The following ADCK5 variants were observed in gnomAD, a reference collection of about 807,000 sequenced individuals.
ADCK5 encodes aarF domain containing kinase 5, also known as uncharacterized aarF domain-containing protein kinase 5.
Under a neutral mutation model 64.9 loss-of-function variants are expected in ADCK5, and 43 were observed. The ratio of observed to expected loss-of-function variants is 0.66; its 90% confidence interval spans 0.52 to 0.85. The LOEUF (loss-of-function observed/expected upper bound fraction) is 0.85, where lower values mean the gene tolerates loss of function less well. Among genes scored for constraint, ADCK5 ranks in the 40% least tolerant of loss-of-function variants. The probability of loss-of-function intolerance (pLI) is 0.00; values close to 1 mark genes in which losing one functional copy is unlikely to be tolerated. For missense variants in ADCK5, 760 were observed against 810.5 expected (o/e 0.94, Z 0.76); for synonymous variants, 434 against 342.8 (o/e 1.27, Z -2.94).
At chr8:144,378,935 C>CTT (rs138817440) in intron 1 of ADCK5, among the ~76,000 whole-genome samples, 1 of 143,052 alleles carries the variant, frequency 7.0e-6, no homozygotes. Context: ...TTGGGTAGTT[C>CTT]TTTTTTTTTT....
chr8:144,376,694 T>C lies in ADCK5; in HGVS notation c.12+2587T>C, dbSNP rs186365679. On this transcript the variant is annotated intron_variant, in intron 1 of 14. Coordinates refer to ENST00000308860, the MANE Select transcript of ADCK5 (RefSeq NM_174922.5). This position sits in a 1 kb window ranked among gnomAD's most constrained non-coding sequence, Gnocchi z 5.1. ...GATAGCCACCTGGAGGTAGCTCCCT[T>C]GCAGCCACTTACGAGCTGCTGTTCA... is the stretch of plus-strand genomic sequence containing the variant. Among the ~76,000 whole-genome samples, 43 of 152,234 alleles carry C rather than the reference T, an allele frequency of 2.8e-4. No homozygotes were observed. Among genetic ancestry groups the C allele is most frequent in the Non-Finnish European group, 4.7e-4 (32 of 68,018 alleles).
At chr8:144,388,910 G>A (rs1203148563) in intron 3 of ADCK5, among the ~76,000 whole-genome samples, 2 of 152,230 alleles carry the variant, frequency 1.3e-5, no homozygotes, top group Non-Finnish European at 2.9e-5. Context: ...CCAGAGCTGC[G>A]CTTCAGGAAT....
At chr8:144,375,472 G>T (rs782624096) in intron 1 of ADCK5, 138 of 985,352 alleles carry the variant, frequency 1.4e-4, no homozygotes, top group Non-Finnish European at 1.6e-4. Flanking sequence ...TTAGTTTCTG[G>T]CATCATTCTG....
At chr8:144,388,528 G>A (rs188272269) in intron 3 of ADCK5, among the ~76,000 whole-genome samples, 1 of 152,136 alleles carries the variant, frequency 6.6e-6, no homozygotes, top group African/African-American at 2.4e-5. Context: ...ACTTTGGGAG[G>A]CCAAGGTGGG....
chr8:144,386,751 C>T (rs1280521889), intron 3 of ADCK5, among the ~76,000 whole-genome samples: 1 of 152,208 alleles, frequency 6.6e-6, no homozygotes, highest in Admixed American at 6.6e-5. Context: ...GTTTCCAGCC[C>T]CGGTCCTCCC....
intron 2 of ADCK5, 86 bp from the exon 3 acceptor site, chr8:144,382,995 C>A: frequency 6.6e-7 from 1 of 1,516,866 alleles, no homozygotes; most frequent in Non-Finnish European, 8.9e-7. Flanking sequence ...AGGAGTGAGA[C>A]GTGGTGCTGG....
In ADCK5 at chr8:144,391,455, G is replaced by A. The variant is rs782774270; in HGVS notation, c.779G>A (p.Gly260Asp). The change falls in exon 7 of 15, where the codon GGC becomes GAC. Residue 260 changes from glycine to aspartate, a missense_variant. Gly to Asp is a moderately conservative substitution (Grantham distance 94). Around this residue, in one of 2 missense-constraint regions of ADCK5, gnomAD observed 427 missense variants for 518.4 expected, o/e 0.82. Coordinates refer to ENST00000308860, the MANE Select transcript of ADCK5 (RefSeq NM_174922.5). ...GTTGAGGTCATGCACCCCAGCTTTG[G>A]CTTCAGCTGGGTCCTCCAGGTACAG... ...RLVEVMHPSF[G>D]FSWVLQDLKG... 1 of 1,611,662 alleles carries A rather than the reference G, an allele frequency of 6.2e-7. No individual in the cohort carries two copies. Among genetic ancestry groups the A allele is most frequent in the South Asian group, 1.1e-5 (1 of 90,936 alleles).
chr8:144,391,938 C>T lies in ADCK5; in HGVS notation c.1015-3C>T, dbSNP rs1820260873. 2 of 1,612,570 alleles carry T rather than the reference C, an allele frequency of 1.2e-6. No individual in the cohort carries two copies. Among genetic ancestry groups the T allele is most frequent in the Non-Finnish European group, 8.5e-7 (1 of 1,179,996 alleles). Reference sequence around the variant, plus strand: ...TCCACTGCAATGCCTCTCCTCTCCCCAGATAGCAGAAAAGCTCATCAAGGC... The same window carrying T: ...TCCACTGCAATGCCTCTCCTCTCCCTAGATAGCAGAAAAGCTCATCAAGGC... On this transcript the variant is annotated splice_polypyrimidine_tract_variant and splice_region_variant and intron_variant, in intron 9 of 14. Transcript: ENST00000308860.
intron 3 of ADCK5, 51 bp downstream of exon 3, chr8:144,383,281 G>T (rs782167136): frequency 6.7e-7 from 1 of 1,502,620 alleles, no homozygotes. Flanking sequence ...GGCGGGGTGT[G>T]TGCGGTGCAG....
At chr8:144,392,219 AGG>A in intron 11 of ADCK5, 33 bp from the exon 12 acceptor site, 1 of 1,547,200 alleles carries the variant, frequency 6.5e-7, no homozygotes, top group Non-Finnish European at 8.7e-7. Context: ...CTCCTGCCGC[AGG>A]GAGCTCATGG....
At chr8:144,375,535 C>T (rs1819327977) in intron 1 of ADCK5, 2 of 985,476 alleles carry the variant, frequency 2.0e-6, no homozygotes, top group Non-Finnish European at 1.2e-6. Flanking sequence ...GTGGGAGCTG[C>T]ATCCTCCTCA....
chr8:144,391,851 G>C lies in ADCK5; in HGVS notation c.999G>C (p.Gly333=). The part of the protein sequence containing the change: ...VNDVEAIRSQ[G]LAVHDIAEKL... ...ATGTGGAGGCCATCAGGAGCCAGGGGCTGGCAGTGCATGACGTGAGTGCGG... is the reference window on the plus strand; with the variant it reads ...ATGTGGAGGCCATCAGGAGCCAGGGCCTGGCAGTGCATGACGTGAGTGCGG... The change falls in exon 9 of 15, where the codon GGG becomes GGC. Residue 333 remains glycine, a synonymous_variant. Transcript: ENST00000308860. 1.9e-6 allele frequency: 3 copies of C among 1,575,730 alleles called. No homozygotes were observed. The highest frequency in any genetic ancestry group is 2.3e-5 in the South Asian group (2 of 86,858).
chr8:144,375,958 T>C (rs1475230663), intron 1 of ADCK5, among the ~76,000 whole-genome samples: 1 of 152,210 alleles, frequency 6.6e-6, no homozygotes, highest in African/African-American at 2.4e-5. Flanking sequence ...TGGGGCTGTG[T>C]GTCACGTGAG....
At chr8:144,378,024 A>G (rs1819442387) in intron 1 of ADCK5, among the ~76,000 whole-genome samples, 2 of 152,202 alleles carry the variant, frequency 1.3e-5, no homozygotes, top group African/African-American at 4.8e-5. Flanking sequence ...TGGTGATGCC[A>G]TCTCTTCCTG....
chr8:144,389,892 G>A (rs376653719), intron 3 of ADCK5, among the ~76,000 whole-genome samples: 149 of 147,802 alleles, frequency 1.0e-3, no homozygotes, highest in African/African-American at 3.5e-3. Context: ...GCAATGGCGC[G>A]ATCTTGGCTC....
At chr8:144,378,367 C>T (rs1819458662) in intron 1 of ADCK5, among the ~76,000 whole-genome samples, 1 of 152,062 alleles carries the variant, frequency 6.6e-6, no homozygotes, top group South Asian at 2.1e-4. Context: ...GCAGATTCCC[C>T]CTTGCTGTTG....
rs1819354443 is a variant in ADCK5 at position 144,376,165 on chromosome 8, CTG to C, written c.12+2061_12+2062del. Among the ~76,000 whole-genome samples the C allele has an allele frequency of 6.6e-6, 1 of 152,210 alleles. No individual in the cohort carries two copies. The highest frequency in any genetic ancestry group is 2.4e-5 in the African/African-American group (1 of 41,452). On this transcript the variant is annotated intron_variant, in intron 1 of 14. Transcript: ENST00000308860. This position sits in a 1 kb window ranked among gnomAD's most constrained non-coding sequence, Gnocchi z 5.1. ...TCAGCCTCATGGGCCCTGGCAGGCACTGTGGGTTATCAGTGCCTGTTGCTTGG... is the reference window on the plus strand; with the variant it reads ...TCAGCCTCATGGGCCCTGGCAGGCACTGGGTTATCAGTGCCTGTTGCTTGG...
rs1400149469 is a variant in ADCK5 at position 144,382,995 on chromosome 8, CGTG to C, written c.117-82_117-80del. 4.6e-6 allele frequency: 7 copies of C among 1,516,870 alleles called. No individual in the cohort carries two copies. The African/African-American group carries it at 8.3e-5, about 18-fold the overall frequency. 94.0% of individuals were successfully genotyped at this position (1,516,870 alleles called of 1,614,324 possible). On this transcript the variant is annotated intron_variant, in intron 2 of 14. Transcript: ENST00000308860. ...AATGGCTGTGCACACAGGAGTGAGA[CGTG>C]GTGCTGGGGGAGGTGGGGGCAGAGA...
chr8:144,377,352 T>C (rs1554857336), intron 1 of ADCK5: 1 of 152,176 alleles, frequency 6.6e-6, no homozygotes, highest in Non-Finnish European at 1.5e-5. Context: ...TCTTTATTTA[T>C]GTATTTATTT....
Sources: gnomAD v4.1 joint callset for allele counts (sites outside exome capture counted in the v4.1 genomes callset) on GRCh38, gnomAD v4.1.1 for gene constraint, gnomAD v4.1.1 regional missense constraint, Gnocchi (gnomAD v3.1) non-coding constraint, MANE v1.5 for transcripts, NCBI Gene and HGNC (gene_info 2026-07-23, HGNC 2026-07-21) for gene names.